Variants in NXPE2 observed in about 807,000 individuals in gnomAD.
NXPE2 encodes neurexophilin and PC-esterase domain family member 2.
A neutral mutation model predicts 34.4 loss-of-function variants in NXPE2; 34 were observed. The ratio of observed to expected loss-of-function variants is 0.99; its 90% CI spans 0.75 to 1.31. The LOEUF is 1.31. NXPE2 is among the 40% of genes most tolerant of loss of function. The pLI, the probability that NXPE2 is intolerant of heterozygous loss-of-function variation, is 0.00. For missense variants in NXPE2, 649 were observed against 672.5 expected, an observed-to-expected ratio of 0.97 and a Z score of 0.39; for synonymous variants, 235 against 231.3, an observed-to-expected ratio of 1.02 and a Z score of -0.15.
the NXPE2 span, among the ~76,000 whole-genome samples, chr11:114,720,455 CG>C: frequency 2.0e-5 from 3 of 152,138 alleles, no homozygotes; most frequent in South Asian, 2.1e-4. Context: ...TCATATGTGT[CG>C]GGGTAGCACA....
At chr11:114,572,019 C>T in the NXPE2 span, among the ~76,000 whole-genome samples, 1 of 152,194 alleles carries the variant, frequency 6.6e-6, no homozygotes, top group African/African-American at 2.4e-5. Context: ...GCTAACTCCA[C>T]TGGAGCAGGT....
At chr11:114,812,961 G>A in the NXPE2 span, among the ~76,000 whole-genome samples, 10 of 152,154 alleles carry the variant, frequency 6.6e-5, no homozygotes, top group African/African-American at 2.2e-4. Flanking sequence ...CCAAGCTCCT[G>A]GGCTTATGGC....
the NXPE2 span, chr11:114,554,482 A>T: frequency 1.7e-6 from 1 of 603,968 alleles, no homozygotes; most frequent in Non-Finnish European, 2.1e-6. Flanking sequence ...CAAATACATA[A>T]AATAAAATGT....
chr11:114,611,034 C>T, the NXPE2 span, among the ~76,000 whole-genome samples: 2 of 151,472 alleles, frequency 1.3e-5, no homozygotes, highest in East Asian at 2.0e-4. Context: ...AACTCTTACT[C>T]TGTGGATTAT....
chr11:114,700,619 A>G (rs1185759486), intron 3 of NXPE2, among the ~76,000 whole-genome samples: 1 of 152,204 alleles, frequency 6.6e-6, no homozygotes, highest in Non-Finnish European at 1.5e-5. Flanking sequence ...TTTGTCTCAC[A>G]GGCCCAGCAC....
chr11:114,579,008 A>G, the NXPE2 span, among the ~76,000 whole-genome samples: 2 of 152,176 alleles, frequency 1.3e-5, no homozygotes, highest in Non-Finnish European at 1.5e-5. Flanking sequence ...TTGCATTGCT[A>G]TAAAGGAATA....
At chr11:114,596,411 T>TGG in the NXPE2 span, among the ~76,000 whole-genome samples, 1 of 152,208 alleles carries the variant, frequency 6.6e-6, no homozygotes, top group South Asian at 2.1e-4. Context: ...GGTTGATTAC[T>TGG]GCTGCCCTAC....
At chr11:114,531,225 A>G in the NXPE2 span, among the ~76,000 whole-genome samples, 1 of 152,210 alleles carries the variant, frequency 6.6e-6, no homozygotes, top group African/African-American at 2.4e-5. Flanking sequence ...TTGTAGATAT[A>G]TTCAATCCAA....
the NXPE2 span, chr11:114,523,196 G>A: frequency 1.3e-6 from 1 of 763,740 alleles, no homozygotes; most frequent in Non-Finnish European, 2.2e-6. Context: ...TTCCTGTAAT[G>A]CCTATTTCCT....
the NXPE2 span, among the ~76,000 whole-genome samples, chr11:114,633,225 TA>T: frequency 7.5e-6 from 1 of 133,092 alleles, no homozygotes; most frequent in Non-Finnish European, 1.5e-5. Context: ...ATTATATATA[TA>T]AATATATGTA....
chr11:114,806,709 G>C, the NXPE2 span, among the ~76,000 whole-genome samples: 5 of 151,996 alleles, frequency 3.3e-5, no homozygotes, highest in African/African-American at 1.2e-4. Context: ...CCAAATCTAC[G>C]TCTGATTGGT....
At chr11:114,789,876 G>T in the NXPE2 span, among the ~76,000 whole-genome samples, 1 of 152,176 alleles carries the variant, frequency 6.6e-6, no homozygotes, top group African/African-American at 2.4e-5. Flanking sequence ...AAAAGCAGGG[G>T]TTGCATCTTG....
At chr11:114,538,216 G>A in the NXPE2 span, among the ~76,000 whole-genome samples, 1 of 152,170 alleles carries the variant, frequency 6.6e-6, no homozygotes, top group Admixed American at 6.5e-5. Flanking sequence ...TGGGAAAATT[G>A]GCTAGCCATA....
chr11:114,676,197 G>A (rs1232902082), upstream of NXPE2, among the ~76,000 whole-genome samples: 1 of 151,802 alleles, frequency 6.6e-6, no homozygotes, highest in Non-Finnish European at 1.5e-5. Context: ...TATGGTCACT[G>A]AGGTTTTTTT....
chr11:114,589,264 T>C, the NXPE2 span, among the ~76,000 whole-genome samples: 69 of 152,252 alleles, frequency 4.5e-4, 1 homozygote, highest in East Asian at 8.1e-3. Context: ...TGATGGGTCC[T>C]GGTGCTCAAG....
chr11:114,738,015 G>A, the NXPE2 span, among the ~76,000 whole-genome samples: 1 of 152,230 alleles, frequency 6.6e-6, no homozygotes, highest in South Asian at 2.1e-4. Context: ...TGAGCCCGGG[G>A]GGCGGAGGCT....
At chr11:114,706,043 T>C (rs1276416426) in intron 5 of NXPE2, 47 bp downstream of exon 5, 1 of 799,624 alleles carries the variant, frequency 1.3e-6, no homozygotes, top group Non-Finnish European at 1.7e-6. Context: ...CTTTTGAGGG[T>C]TTTGAAATAA....
At chr11:114,755,682 G>T in the NXPE2 span, among the ~76,000 whole-genome samples, 1 of 115,680 alleles carries the variant, frequency 8.6e-6, no homozygotes, top group Admixed American at 8.1e-5. Context: ...CTATCTATCT[G>T]TCTGTCTATC....
At chr11:114,538,886 G>A in the NXPE2 span, among the ~76,000 whole-genome samples, 3 of 152,074 alleles carry the variant, frequency 2.0e-5, no homozygotes, top group Non-Finnish European at 4.4e-5. Context: ...TGATTCCTCA[G>A]GGATCTAGAA....
Sources: gnomAD v4.1 joint callset for allele counts (sites outside exome capture counted in the v4.1 genomes callset) on GRCh38, gnomAD v4.1.1 for gene constraint, MANE v1.5 for transcripts, NCBI Gene and HGNC (gene_info 2026-07-23, HGNC 2026-07-21) for gene names.